The following TRHDE variants were observed in gnomAD, a reference collection of about 807,000 sequenced individuals.
The protein encoded by TRHDE is thyrotropin-releasing hormone-degrading ectoenzyme.
Under a neutral mutation model 125.7 loss-of-function variants are expected in TRHDE, and 72 were observed. That is an observed-to-expected ratio of 0.57 (90% CI 0.47 to 0.70). TRHDE has a LOEUF of 0.70. Among genes scored for constraint, TRHDE ranks in the 30% least tolerant of loss-of-function variants. The pLI is 0.00. For synonymous variants in TRHDE, 509 were observed against 509.1 expected (o/e 1.00, Z 0.00); for missense variants, 1,110 against 1,327.1 (o/e 0.84, Z 2.54).
At chr12:72,590,217 T>C (rs1015758616) in intron 12 of TRHDE, among the ~76,000 whole-genome samples, 1 of 152,078 alleles carries the variant, frequency 6.6e-6, no homozygotes, top group African/African-American at 2.4e-5. Context: ...CCATTGTGGT[T>C]AGAGAACATA....
At chr12:72,417,595 T>C (rs755460884) in intron 3 of TRHDE, among the ~76,000 whole-genome samples, 1 of 151,992 alleles carries the variant, frequency 6.6e-6, no homozygotes, top group Non-Finnish European at 1.5e-5. Context: ...GGTGGGACTT[T>C]AGTAATGTTA....
intron 2 of TRHDE, among the ~76,000 whole-genome samples, chr12:72,319,958 G>A (rs1312087738): frequency 6.6e-6 from 1 of 151,174 alleles, no homozygotes; most frequent in East Asian, 1.9e-4. Flanking sequence ...ACCTACTAAA[G>A]CATCTGATAA....
chr12:72,516,203 G>A lies in TRHDE; in HGVS notation c.1722+16568G>A, dbSNP rs553705089. Among the ~76,000 whole-genome samples the A allele has an allele frequency of 1.3e-3, 192 of 151,382 alleles. 2 individuals carry two copies. The highest frequency in any genetic ancestry group is 4.6e-3 in the African/African-American group (187 of 41,042). ...AAGAAAGTCATTGGTAGCTTGATGG[G>A]GATGGCATTGAATCTGTAAATTACC... is the stretch of plus-strand genomic sequence containing the variant. On this transcript the variant is annotated intron_variant, in intron 6 of 18. Coordinates refer to ENST00000261180, the MANE Select transcript of TRHDE (RefSeq NM_013381.3).
intron 12 of TRHDE, among the ~76,000 whole-genome samples, chr12:72,596,623 C>T (rs560901694): frequency 3.3e-5 from 5 of 152,216 alleles, no homozygotes; most frequent in African/African-American, 7.2e-5. Context: ...CTGAAAATTT[C>T]GTAATGCTTC....
rs548711301 is a variant in TRHDE at position 72,369,808 on chromosome 12, A to G, written c.1189-8187A>G. The stretch of plus-strand genomic sequence containing the variant: ...AGAAGCTCTGCAGAGGAAGAGATAA[A>G]GCCTAGTAAGCAATTTACAGTTTCA... On this transcript the variant is annotated intron_variant, in intron 2 of 18. Transcript: ENST00000261180. 1.6e-3 allele frequency among the ~76,000 whole-genome samples: 246 copies of G among 152,262 alleles called. 2 individuals are homozygous for G. The highest frequency in any genetic ancestry group is 0.016 in the South Asian group (75 of 4,824).
intron 2 of TRHDE, among the ~76,000 whole-genome samples, chr12:72,317,569 C>T (rs2135706397): frequency 6.6e-6 from 1 of 152,196 alleles, no homozygotes; most frequent in South Asian, 2.1e-4. Context: ...CTCCCTTAAG[C>T]CCTTTTGTAA....
chr12:72,388,166 A>AAG (rs1872505394), intron 3 of TRHDE, among the ~76,000 whole-genome samples: 3 of 152,174 alleles, frequency 2.0e-5, no homozygotes, highest in African/African-American at 7.2e-5. Flanking sequence ...CCTCAGCCTA[A>AAG]AACATTTTTC....
intron 2 of TRHDE, among the ~76,000 whole-genome samples, chr12:72,250,185 A>T (rs975395501): frequency 6.6e-6 from 1 of 152,204 alleles, no homozygotes; most frequent in Non-Finnish European, 1.5e-5. Flanking sequence ...GGGTGATGGA[A>T]ATGTTCTGTT....
chr12:72,099,801 A>C (rs1233543297), intron 1 of TRHDE, among the ~76,000 whole-genome samples: 1 of 152,210 alleles, frequency 6.6e-6, no homozygotes, highest in East Asian at 1.9e-4. Context: ...TCAAGATGGC[A>C]ATTCAAAGAC....
intron 15 of TRHDE, among the ~76,000 whole-genome samples, chr12:72,642,186 T>G (rs1874094377): frequency 6.6e-6 from 1 of 152,218 alleles, no homozygotes; most frequent in African/African-American, 2.4e-5. Context: ...TATATGGTAC[T>G]TTGTCATAGC....
intron 3 of TRHDE, among the ~76,000 whole-genome samples, chr12:72,390,249 T>C (rs1395988144): frequency 6.6e-6 from 1 of 152,218 alleles, no homozygotes; most frequent in East Asian, 1.9e-4. Flanking sequence ...AACAGCTGTA[T>C]TTAGACTAAA....
At chr12:72,472,279 G>T (rs1225198766) in intron 4 of TRHDE, among the ~76,000 whole-genome samples, 1 of 151,956 alleles carries the variant, frequency 6.6e-6, no homozygotes, top group African/African-American at 2.4e-5. Context: ...TCGTCTTTAG[G>T]CTAGCTCCTG....
At chr12:72,649,218 A>C (rs1024887503) in intron 15 of TRHDE, among the ~76,000 whole-genome samples, 2 of 152,088 alleles carry the variant, frequency 1.3e-5, no homozygotes, top group African/African-American at 4.8e-5. Context: ...ACAGAATATA[A>C]AGCCAAAAAT....
chr12:72,620,146 T>C (rs1872984519), intron 13 of TRHDE, among the ~76,000 whole-genome samples: 1 of 152,050 alleles, frequency 6.6e-6, no homozygotes, highest in Admixed American at 6.6e-5. Context: ...ATTAAACCTT[T>C]GTAAAAGTAA....
chr12:72,353,623 T>A (rs17111086), intron 2 of TRHDE, among the ~76,000 whole-genome samples: 8,207 of 151,554 alleles, frequency 0.054, 436 homozygotes, highest in African/African-American at 0.12. Context: ...GCAGTTAATA[T>A]ACTCATGACT....
At chr12:72,551,448 T>C (rs563447491) in intron 7 of TRHDE, among the ~76,000 whole-genome samples, 2 of 152,292 alleles carry the variant, frequency 1.3e-5, no homozygotes, top group South Asian at 4.1e-4. Flanking sequence ...TTCTTTTCCA[T>C]TTAAGAACAA....
At chr12:72,102,655 G>C (rs978161928) in intron 1 of TRHDE, among the ~76,000 whole-genome samples, 3 of 152,278 alleles carry the variant, frequency 2.0e-5, no homozygotes, top group Admixed American at 1.3e-4. Flanking sequence ...GAGTTTAAGG[G>C]GAGGAGAAGG....
intron 2 of TRHDE, among the ~76,000 whole-genome samples, chr12:72,200,439 G>T: frequency 6.6e-6 from 1 of 152,114 alleles, no homozygotes. Context: ...AACACCTGTT[G>T]ACTGAGAAAA....
intron 2 of TRHDE, among the ~76,000 whole-genome samples, chr12:72,340,410 T>C (rs914982705): frequency 7.9e-5 from 12 of 152,182 alleles, no homozygotes; most frequent in Non-Finnish European, 5.9e-5. Context: ...TTTCCAGTAT[T>C]ACCACATTGA....
Sources: allele counts gnomAD v4.1 joint callset (sites outside exome capture counted in the v4.1 genomes callset), GRCh38; gene constraint gnomAD v4.1.1; transcripts MANE v1.5; gene names NCBI Gene and HGNC (gene_info 2026-07-23, HGNC 2026-07-21).